Variants in PYY observed in about 807,000 individuals in gnomAD.
PYY encodes peptide tyrosine tyrosine.
PYY carries 12 observed loss-of-function variants against 10.3 expected under a neutral mutation model. That is an observed-to-expected ratio of 1.17 (90% CI 0.75 to 1.89). The LOEUF is 1.89. Ranked by LOEUF, PYY falls within the 40% of genes most tolerant of loss-of-function variation. The pLI is 0.00. For synonymous variants in PYY, 66 were observed against 62.0 expected (o/e 1.06, Z -0.30); for missense variants, 141 against 134.0 (o/e 1.05, Z -0.26).
chr17:43,989,915 A>G (rs2048945384), intron 1 of PYY, among the ~76,000 whole-genome samples: 1 of 136,110 alleles, frequency 7.3e-6, no homozygotes, highest in Non-Finnish European at 1.5e-5. Flanking sequence ...CAAATCTATA[A>G]GTAAGACATT....
At chr17:43,973,789 C>A (rs1259710205) in intron 1 of PYY, among the ~76,000 whole-genome samples, 1 of 152,054 alleles carries the variant, frequency 6.6e-6, no homozygotes, top group Non-Finnish European at 1.5e-5. Flanking sequence ...AGCACGACTC[C>A]GTCTCAAAAA....
intron 1 of PYY, among the ~76,000 whole-genome samples, chr17:43,988,769 CT>C (rs11336147): frequency 0.54 from 73,623 of 136,732 alleles, 19,524 homozygotes; most frequent in Middle Eastern, 0.73. Context: ...TTCTTTCTGT[CT>C]TTTTTTTTTT....
At chr17:43,981,493 G>A (rs553897356) in intron 1 of PYY, among the ~76,000 whole-genome samples, 81 of 151,530 alleles carry the variant, frequency 5.3e-4, no homozygotes, top group Non-Finnish European at 1.1e-3. Context: ...TCATGGTTTT[G>A]TTTGTTTGTT....
At chr17:43,954,993 G>A (rs968659218), upstream of PYY, among the ~76,000 whole-genome samples, 1 of 152,196 alleles carries the variant, frequency 6.6e-6, no homozygotes, top group Non-Finnish European at 1.5e-5. Flanking sequence ...ATTCAAACAG[G>A]AAAAGCAGGG....
chr17:43,981,550 C>T (rs1034070400), intron 1 of PYY, among the ~76,000 whole-genome samples: 4 of 151,920 alleles, frequency 2.6e-5, no homozygotes, highest in African/African-American at 4.8e-5. Context: ...AGTGTAATGG[C>T]GTGATCTCAG....
chr17:43,960,532 CAAAAAAAA>C (rs1170040925), intron 2 of PYY, among the ~76,000 whole-genome samples: 2 of 59,002 alleles, frequency 3.4e-5, no homozygotes, highest in Non-Finnish European at 5.6e-5. Context: ...GACTTTGTCT[CAAAAAAAA>C]AAAAAAAAAA....
intron 2 of PYY, among the ~76,000 whole-genome samples, chr17:43,963,549 G>C (rs1267238573): frequency 8.6e-6 from 1 of 116,828 alleles, no homozygotes; most frequent in Non-Finnish European, 1.7e-5. Context: ...AGAAGGAAGG[G>C]AAGGAAGGAA....
intron 1 of PYY, among the ~76,000 whole-genome samples, chr17:43,979,545 A>G (rs1385503942): frequency 2.0e-5 from 3 of 152,080 alleles, no homozygotes; most frequent in Non-Finnish European, 4.4e-5. Flanking sequence ...AGATGAAAAA[A>G]AAAAAAGCTG....
chr17:43,984,217 C>T (rs2143942741), intron 1 of PYY, among the ~76,000 whole-genome samples: 1 of 152,354 alleles, frequency 6.6e-6, no homozygotes, highest in Middle Eastern at 3.4e-3. Flanking sequence ...AGCCCTGCTC[C>T]TTTCCCCTCT....
intron 2 of PYY, among the ~76,000 whole-genome samples, chr17:43,964,823 C>T (rs919984263): frequency 2.0e-5 from 3 of 152,156 alleles, no homozygotes; most frequent in Non-Finnish European, 4.4e-5. Flanking sequence ...AAAAAATCAA[C>T]TGTTTTCCGT....
upstream of PYY, among the ~76,000 whole-genome samples, chr17:43,955,448 C>G (rs147197927): frequency 6.6e-6 from 1 of 152,164 alleles, no homozygotes; most frequent in Non-Finnish European, 1.5e-5. Context: ...GGTTCAATCA[C>G]CTGCATTCTC....
chr17:43,989,809 TAAAAAAAAAAAAAA>T lies in PYY; in HGVS notation c.-463+14568_-463+14581del, dbSNP rs1174890162. On this transcript the variant is annotated intron_variant, in intron 1 of 6. Coordinates refer to the PYY transcript ENST00000360085. ...GAGACAGACCAAGAGGCTGTCTCTT[TAAAAAAAAAAAAAA>T]AAAAAAAAAAAAAAAAAAAAATATA... Among the ~76,000 whole-genome samples, 82 of 10,500 alleles carry T rather than the reference TAAAAAAAAAAAAAA, an allele frequency of 7.8e-3. 5 individuals carry two copies. The highest frequency in any genetic ancestry group is 0.029 in the African/African-American group (73 of 2,546). The allele number at this position is 10,500 out of a possible 152,430, so 6.9% of individuals were successfully genotyped here.
At chr17:43,978,217 A>G (rs2048860640) in intron 1 of PYY, among the ~76,000 whole-genome samples, 1 of 151,538 alleles carries the variant, frequency 6.6e-6, no homozygotes, top group Non-Finnish European at 1.5e-5. Context: ...GAAGGAAAGA[A>G]AGAGAGAGAA....
intron 2 of PYY, among the ~76,000 whole-genome samples, chr17:43,965,807 AAAAAAAAAAAGAG>A (rs1416225087): frequency 3.3e-5 from 5 of 150,418 alleles, no homozygotes; most frequent in Non-Finnish European, 7.4e-5. Flanking sequence ...AAAAAAAAAA[AAAAAAAAAAAGAG>A]AGAGAAACAA....
Position 43,976,893 on chromosome 17 carries a change from C to T in PYY, c.-462-10361G>A, listed in dbSNP as rs1469032630. Reference sequence around the variant, plus strand: ...GCAGGGGCTTCTGATCTTTGTGCACCAGTGCCTGGCACAGAAGGGGACCAT... The same window carrying T: ...GCAGGGGCTTCTGATCTTTGTGCACTAGTGCCTGGCACAGAAGGGGACCAT... On this transcript the variant is annotated intron_variant, in intron 1 of 6. Coordinates refer to the PYY transcript ENST00000360085. 2.6e-5 allele frequency among the ~76,000 whole-genome samples: 4 copies of T among 152,304 alleles called. No individual in the cohort carries two copies. In the East Asian group the frequency reaches 7.7e-4, roughly 29 times the overall value.
At chr17:43,978,639 C>G (rs376488744) in intron 1 of PYY, among the ~76,000 whole-genome samples, 3 of 152,154 alleles carry the variant, frequency 2.0e-5, no homozygotes, top group South Asian at 4.1e-4. Flanking sequence ...GGCTATTACA[C>G]CCCCACCCCA....
At chr17:43,989,808 TTAAAAAAA>T (rs2048940536) in intron 1 of PYY, among the ~76,000 whole-genome samples, 7 of 43,362 alleles carry the variant, frequency 1.6e-4, no homozygotes, top group Admixed American at 8.3e-4. Context: ...GGCTGTCTCT[TTAAAAAAA>T]AAAAAAAAAA....
intron 1 of PYY, among the ~76,000 whole-genome samples, chr17:43,992,631 T>C (rs2048964929): frequency 6.6e-6 from 1 of 151,900 alleles, no homozygotes; most frequent in Non-Finnish European, 1.5e-5. Context: ...TGCTTGAACC[T>C]GGGAGGCGGA....
chr17:43,988,771 T>A (rs1029936095), intron 1 of PYY, among the ~76,000 whole-genome samples: 1 of 30,852 alleles, frequency 3.2e-5, no homozygotes. Flanking sequence ...CTTTCTGTCT[T>A]TTTTTTTTTG....
Sources: allele counts gnomAD v4.1 joint callset (sites outside exome capture counted in the v4.1 genomes callset), GRCh38; gene constraint gnomAD v4.1.1; transcripts MANE v1.5; gene names NCBI Gene and HGNC (gene_info 2026-07-23, HGNC 2026-07-21).